The following RPS6KA6 variants were observed in gnomAD, a reference collection of about 807,000 sequenced individuals.
RPS6KA6 encodes ribosomal protein S6 kinase A6, also known as ribosomal protein S6 kinase alpha-6.
In RPS6KA6, 27 loss-of-function variants were observed where a neutral mutation model predicts 65.4. The observed-to-expected ratio is 0.41, with a 90% CI of 0.30 to 0.57. The LOEUF (loss-of-function observed/expected upper bound fraction) is 0.57, where lower values mean the gene tolerates loss of function less well. Ranked by LOEUF, RPS6KA6 falls within the 20% of genes least tolerant of loss-of-function variation. RPS6KA6 has a pLI of 0.24. For missense variants in RPS6KA6, 486 were observed against 555.6 expected, an observed-to-expected ratio of 0.87 and a Z score of 1.26; for synonymous variants, 190 against 184.2, an observed-to-expected ratio of 1.03 and a Z score of -0.26.
intron 1 of RPS6KA6, among the ~76,000 whole-genome samples, chrX:84,167,219 T>G (rs183516194): frequency 1.8e-5 from 2 of 111,972 alleles, no homozygotes; most frequent in East Asian, 5.6e-4. Flanking sequence ...TAACCCGAAA[T>G]CAGTGGAAAC....
At chrX:84,073,091 G>T (rs1327971266) in intron 20 of RPS6KA6, among the ~76,000 whole-genome samples, 1 of 111,509 alleles carries the variant, frequency 9.0e-6, no homozygotes, top group African/African-American at 3.3e-5. Flanking sequence ...TGAGCAAAAA[G>T]AACAAAGCTG....
At chrX:84,179,162 T>C (rs1428472208) in intron 1 of RPS6KA6, among the ~76,000 whole-genome samples, 1 of 111,459 alleles carries the variant, frequency 9.0e-6, no homozygotes, top group Non-Finnish European at 1.9e-5. Context: ...TATGAAAATA[T>C]GCTTAGCAAC....
rs986894392 is a variant in RPS6KA6, at chrX:84,059,820, T to C, written c.*4457A>G. The C allele has an allele frequency of 2.6e-4, 29 of 111,943 alleles. No individual in the cohort carries two copies. The highest frequency in any genetic ancestry group is 4.7e-4 in the Non-Finnish European group (25 of 53,183). The allele number at this position is 111,943 out of a possible 1,213,427, so 9.2% of individuals were successfully genotyped here. ...CAAACCCTAACTTGGCAATTACATA[T>C]ATATATTTATTTATAAGCATTTAGC... is the stretch of plus-strand genomic sequence containing the variant. On this transcript the variant is annotated 3_prime_UTR_variant, in exon 22 of 22. Transcript: ENST00000262752.
At chrX:84,104,125 G>C (rs1308966999) in intron 17 of RPS6KA6, among the ~76,000 whole-genome samples, 1 of 110,575 alleles carries the variant, frequency 9.0e-6, no homozygotes, top group Non-Finnish European at 1.9e-5. Flanking sequence ...AGCTGGCAAG[G>C]TTCAAGATAC....
Position 84,188,036 on chromosome X carries a change from G to T in RPS6KA6, c.-137C>A. The stretch of plus-strand genomic sequence containing the variant: ...ACCCCCAGCCCCGCCTTCAGCGAGC[G>T]CTGCCCTCGCCGCCGGGTCTCTCAG... On this transcript the variant is annotated 5_prime_UTR_variant, in exon 1 of 22. Coordinates refer to ENST00000262752, the MANE Select transcript of RPS6KA6 (RefSeq NM_014496.5). 3.4e-6 allele frequency: 1 copy of T among 294,039 alleles called. No homozygotes were observed. Among genetic ancestry groups the T allele is most frequent in the Non-Finnish European group, 4.9e-6 (1 of 204,644 alleles). 24.2% of individuals were successfully genotyped at this position (294,039 alleles called of 1,213,427 possible).
At chrX:84,082,994 C>G (rs758854728) in intron 20 of RPS6KA6, among the ~76,000 whole-genome samples, 1 of 112,272 alleles carries the variant, frequency 8.9e-6, no homozygotes, top group East Asian at 2.8e-4. Context: ...CATAAAAACC[C>G]TAGAAGAAAA....
intron 6 of RPS6KA6, among the ~76,000 whole-genome samples, chrX:84,141,905 A>T (rs939268922): frequency 1.8e-5 from 2 of 111,713 alleles, no homozygotes; most frequent in African/African-American, 6.5e-5. Context: ...TCAAGAAGAA[A>T]TATACAAATT....
At chrX:84,133,049 G>T (rs1180357109) in intron 8 of RPS6KA6, among the ~76,000 whole-genome samples, 1 of 111,807 alleles carries the variant, frequency 8.9e-6, no homozygotes, top group Non-Finnish European at 1.9e-5. Flanking sequence ...TAAATCAAAA[G>T]AAACATTATA....
intron 20 of RPS6KA6, among the ~76,000 whole-genome samples, chrX:84,090,471 C>T (rs762849181): frequency 8.3e-5 from 9 of 107,815 alleles, no homozygotes; most frequent in African/African-American, 3.0e-4. Context: ...TGTATTAGTC[C>T]ATTCTCACAC....
intron 9 of RPS6KA6, among the ~76,000 whole-genome samples, chrX:84,117,968 T>C (rs2034600370): frequency 9.1e-6 from 1 of 110,178 alleles, no homozygotes; most frequent in Non-Finnish European, 1.9e-5. Context: ...CACACACACA[T>C]GCCAATAGCT....
chrX:84,167,151 A>G (rs1047082995), intron 1 of RPS6KA6, among the ~76,000 whole-genome samples: 2 of 111,783 alleles, frequency 1.8e-5, no homozygotes. Flanking sequence ...AGGAACATCA[A>G]ACTGAATGAC....
intron 1 of RPS6KA6, among the ~76,000 whole-genome samples, chrX:84,185,308 C>T (rs984724334): frequency 6.3e-5 from 7 of 111,649 alleles, no homozygotes; most frequent in African/African-American, 2.0e-4. Context: ...TTCCAGGTTT[C>T]CCCTTTTCAG....
At chrX:84,185,302 A>G (rs1456515324) in intron 1 of RPS6KA6, among the ~76,000 whole-genome samples, 1 of 111,639 alleles carries the variant, frequency 9.0e-6, no homozygotes, top group Non-Finnish European at 1.9e-5. Context: ...AAAAGATTCC[A>G]GGTTTCCCCT....
At chrX:84,179,015 G>A (rs1459242251) in intron 1 of RPS6KA6, among the ~76,000 whole-genome samples, 2 of 111,138 alleles carry the variant, frequency 1.8e-5, no homozygotes, top group African/African-American at 3.3e-5. Flanking sequence ...TTGGAAATCG[G>A]TATCTAATAA....
chrX:84,114,902 C>A (rs183554085), intron 12 of RPS6KA6, among the ~76,000 whole-genome samples: 4 of 111,647 alleles, frequency 3.6e-5, no homozygotes, highest in Non-Finnish European at 5.6e-5. Flanking sequence ...AATTGCCTAG[C>A]CACATGAAGA....
chrX:84,130,272 CATT>C (rs1413122465), intron 8 of RPS6KA6, among the ~76,000 whole-genome samples: 1 of 111,566 alleles, frequency 9.0e-6, no homozygotes, highest in Non-Finnish European at 1.9e-5. Context: ...TGCTTAGTGT[CATT>C]AGTTATTAGA....
chrX:84,180,339 A>T (rs2035831455), intron 1 of RPS6KA6, among the ~76,000 whole-genome samples: 1 of 112,018 alleles, frequency 8.9e-6, no homozygotes, highest in African/African-American at 3.2e-5. Flanking sequence ...TTTTTGAAAA[A>T]GGTAGCAACT....
intron 8 of RPS6KA6, among the ~76,000 whole-genome samples, chrX:84,131,792 A>G (rs953752342): frequency 5.3e-5 from 6 of 112,161 alleles, no homozygotes; most frequent in Admixed American, 9.5e-5. Flanking sequence ...AAATAAAAGA[A>G]AATGTACAAT....
chrX:84,169,025 G>A (rs981615879), intron 1 of RPS6KA6, among the ~76,000 whole-genome samples: 7 of 111,802 alleles, frequency 6.3e-5, no homozygotes, highest in African/African-American at 2.3e-4. Context: ...TGAATTCTCT[G>A]GGATAATAAA....
Sources: allele counts gnomAD v4.1 joint callset (sites outside exome capture counted in the v4.1 genomes callset), GRCh38; gene constraint gnomAD v4.1.1; transcripts MANE v1.5; gene names NCBI Gene and HGNC (gene_info 2026-07-23, HGNC 2026-07-21).